Variants in KRT9 observed in about 807,000 individuals in gnomAD.
KRT9 encodes keratin 9.
A neutral mutation model predicts 51.4 loss-of-function variants in KRT9; 34 were observed. The observed-to-expected ratio is 0.66, with a 90% CI of 0.50 to 0.88. KRT9 has a LOEUF of 0.88. Among genes scored for constraint, KRT9 ranks in the 40% least tolerant of loss-of-function variants. KRT9 has a pLI of 0.00. For missense variants in KRT9, 753 were observed against 790.3 expected (o/e 0.95, Z 0.57); for synonymous variants, 292 against 289.7 (o/e 1.01, Z -0.08).
intron 4 of KRT9, among the ~76,000 whole-genome samples, chr17:41,568,993 G>C (rs1222355741): frequency 6.6e-6 from 1 of 150,578 alleles, no homozygotes; most frequent in Non-Finnish European, 1.5e-5. Flanking sequence ...CCAGACTCTG[G>C]CTGGGCACTG....
chr17:41,571,758 C>G lies in KRT9; in HGVS notation c.235G>C (p.Gly79Arg). Reference protein sequence around the residue: ...FGYSYGGGSGGGFSASSLGGG... With the variant: ...FGYSYGGGSGRGFSASSLGGG... ...CCTAAACTACTGGCACTAAAACCAC[C>G]CCCAGATCCTCCGCCGTAGCTGTAG... Residue 79 changes from glycine to arginine, a missense_variant, in exon 1 of 8, where the codon GGT (glycine) becomes CGT (arginine). By Grantham distance (125) the Gly-to-Arg change is moderately radical. Around this residue, in one of 3 missense-constraint regions of KRT9, gnomAD observed 241 missense variants for 210.3 expected, o/e 1.15. Coordinates refer to ENST00000246662, the MANE Select transcript of KRT9 (RefSeq NM_000226.4). 6.2e-7 allele frequency: 1 copy of G among 1,613,810 alleles called. No individual in the cohort carries two copies.
At position 41,571,770 on chromosome 17, in the gene KRT9, C is replaced by T. The variant is rs143561490; in HGVS notation, c.223G>A (p.Gly75Arg). The T allele has an allele frequency of 1.9e-5, 30 of 1,613,596 alleles. No individual in the cohort carries two copies. The African/African-American group carries it at 2.0e-4, about 11-fold the overall frequency. ...GGGSFGYSYG[G>R]GSGGGFSASS... The stretch of plus-strand genomic sequence containing the variant: ...GCACTAAAACCACCCCCAGATCCTC[C>T]GCCGTAGCTGTAGCCAAAACTGCCA... Residue 75 changes from glycine to arginine, a missense_variant, in exon 1 of 8, where the codon GGA becomes AGA. Gly to Arg is a moderately radical substitution (Grantham distance 125). Coordinates refer to ENST00000246662, the MANE Select transcript of KRT9 (RefSeq NM_000226.4).
Position 41,571,827 on chromosome 17 carries a change from C to T in KRT9, c.166G>A (p.Gly56Arg), listed in dbSNP as rs1782111348. 1 of 1,613,042 alleles carries T rather than the reference C, an allele frequency of 6.2e-7. No individual in the cohort carries two copies. Among genetic ancestry groups the T allele is most frequent in the Non-Finnish European group, 8.5e-7 (1 of 1,179,374 alleles). ...CCCCTCCCACAGACACGAGAGCTTC[C>T]CCCACCATAGCCACTAGAAGAGCTG... is the stretch of plus-strand genomic sequence containing the variant. ...RFSSSSGYGG[G>R]SSRVCGRGGG... The change falls in exon 1 of 8, where the codon GGA becomes AGA. Residue 56 changes from glycine to arginine, a missense_variant. Gly to Arg is a moderately radical substitution (Grantham distance 125). Around this residue, in one of 3 missense-constraint regions of KRT9, gnomAD observed 241 missense variants for 210.3 expected, o/e 1.15. Coordinates refer to ENST00000246662, the MANE Select transcript of KRT9 (RefSeq NM_000226.4).
chr17:41,568,578 G>T lies in KRT9; in HGVS notation c.1100C>A (p.Ala367Asp). The change falls in exon 5 of 8, where the codon GCC becomes GAC. Residue 367 changes from alanine (A) to aspartate (D), a missense_variant. Physicochemically the swap from Ala to Asp is moderately radical, Grantham distance 126. Transcript: ENST00000246662. ...SSSGQEVQSSAKEVTQLRHGV... is the reference protein window; with the variant it reads ...SSSGQEVQSSDKEVTQLRHGV... ...GTGCCGGAGCTGGGTCACCTCCTTG[G>T]CACTGGACTGCACCTCCTGACCACT... 1.2e-6 allele frequency: 2 copies of T among 1,614,064 alleles called. No homozygotes were observed. The highest frequency in any genetic ancestry group is 1.7e-6 in the Non-Finnish European group (2 of 1,179,978).
At position 41,572,002 on chromosome 17, in the gene KRT9, G is replaced by T. The variant is rs775161130; in HGVS notation, c.-10C>A. On this transcript the variant is annotated 5_prime_UTR_variant, in exon 1 of 8. Transcript: ENST00000246662. The stretch of plus-strand genomic sequence containing the variant: ...ACTGTCTGCAGCTCATGACACAGCT[G>T]GTAGCTCACGGGTTGAGAAGCAGTG... 1 of 1,568,218 alleles carries T rather than the reference G, an allele frequency of 6.4e-7. No individual in the cohort carries two copies. The highest frequency in any genetic ancestry group is 1.8e-5 in the Admixed American group (1 of 54,308).
intron 1 of KRT9, 116 bp from the exon 2 acceptor site, chr17:41,570,336 A>G: frequency 2.3e-6 from 2 of 886,106 alleles, no homozygotes; most frequent in Non-Finnish European, 3.8e-6. Context: ...CTCAAGAGGA[A>G]TGAGGAACTT....
Position 41,572,045 on chromosome 17 carries a change from T to C in KRT9, c.-53A>G, listed in dbSNP as rs1907110419. Reference sequence around the variant, plus strand: ...AAGCAGTGATAGGAGTGCTACCGGCTCCCAAGTGCAGGGTACAGAGCTGTC... The same window carrying C: ...AAGCAGTGATAGGAGTGCTACCGGCCCCCAAGTGCAGGGTACAGAGCTGTC... On this transcript the variant is annotated 5_prime_UTR_variant, in exon 1 of 8. Transcript: ENST00000246662. The C allele has an allele frequency of 2.6e-6, 4 of 1,540,212 alleles. No homozygotes were observed. The Admixed American group carries it at 5.8e-5, about 23-fold the overall frequency.
rs114395985 is a variant in KRT9, at chr17:41,568,582, T to C, written c.1096A>G (p.Ser366Gly). Residue 366 changes from serine to glycine, a missense_variant, in exon 5 of 8, where the codon AGT becomes GGT. By Grantham distance (56) the Ser-to-Gly change is moderately conservative. Around this residue, in one of 3 missense-constraint regions of KRT9, gnomAD observed 507 missense variants for 563.7 expected, o/e 0.90. Transcript: ENST00000246662. ...CGGAGCTGGGTCACCTCCTTGGCAC[T>C]GGACTGCACCTCCTGACCACTACTG... ...VSSSGQEVQSSAKEVTQLRHG... is the reference protein window; with the variant it reads ...VSSSGQEVQSGAKEVTQLRHG... The C allele has an allele frequency of 8.2e-4, 1,317 of 1,614,172 alleles. No individual in the cohort carries two copies. The highest frequency in any genetic ancestry group is 1.0e-3 in the Non-Finnish European group (1,235 of 1,180,016).
rs80030848 is a variant in KRT9, at chr17:41,566,319, T to C, written c.*41-167A>G. 2.4e-3 allele frequency among the ~76,000 whole-genome samples: 369 copies of C among 152,258 alleles called. 1 individual carries two copies. Among genetic ancestry groups the C allele is most frequent in the Middle Eastern group, 0.017 (5 of 294 alleles). ...ACCCTGGGGTCTCCCAATCTACTGG[T>C]CCCCATCTAATTCCTGAATCTCTGT... is the stretch of plus-strand genomic sequence containing the variant. On this transcript the variant is annotated intron_variant, in intron 7 of 7. Coordinates refer to ENST00000246662, the MANE Select transcript of KRT9 (RefSeq NM_000226.4).
At chr17:41,568,754 G>T in intron 4 of KRT9, 121 bp from the exon 5 acceptor site, 1 of 1,292,838 alleles carries the variant, frequency 7.7e-7, no homozygotes. Context: ...CCAATGACAA[G>T]TCATTCTGAG....
At position 41,571,818 on chromosome 17, in the gene KRT9, G is replaced by A. The variant is rs747867129; in HGVS notation, c.175C>T (p.Arg59Cys). ...CCACCGCCTCCCCTCCCACAGACAC[G>A]AGAGCTTCCCCCACCATAGCCACTA... is the stretch of plus-strand genomic sequence containing the variant. ...SSSGYGGGSS[R>C]VCGRGGGGSF... Residue 59 changes from arginine (R) to cysteine (C), a missense_variant, in exon 1 of 8, where the codon CGT becomes TGT. Around this residue, in one of 3 missense-constraint regions of KRT9, gnomAD observed 241 missense variants for 210.3 expected, o/e 1.15. Coordinates refer to ENST00000246662, the MANE Select transcript of KRT9 (RefSeq NM_000226.4). The A allele has an allele frequency of 1.9e-5, 31 of 1,612,412 alleles. No homozygotes were observed. The highest frequency in any genetic ancestry group is 6.7e-5 in the Admixed American group (4 of 59,898).
In KRT9 at chr17:41,571,729, A is replaced by G. The variant is rs747084801; in HGVS notation, c.264T>C (p.Gly88=). Residue 88 remains glycine, a synonymous_variant, in exon 1 of 8, where the codon GGT becomes GGC. Coordinates refer to ENST00000246662, the MANE Select transcript of KRT9 (RefSeq NM_000226.4). ...GGGFSASSLG[G]GFGGGSRGFG... Reference sequence around the variant, plus strand: ...AACCTCTGGAACCACCCCCAAAGCCACCGCCTAAACTACTGGCACTAAAAC... The same window carrying G: ...AACCTCTGGAACCACCCCCAAAGCCGCCGCCTAAACTACTGGCACTAAAAC... 1 of 1,612,098 alleles carries G rather than the reference A, an allele frequency of 6.2e-7. No individual in the cohort carries two copies. The highest frequency in any genetic ancestry group is 1.1e-5 in the South Asian group (1 of 90,832).
At chr17:41,570,046 A>C in intron 2 of KRT9, 31 bp from the exon 3 acceptor site, 1 of 1,614,172 alleles carries the variant, frequency 6.2e-7, no homozygotes, top group Non-Finnish European at 8.5e-7. Context: ...GAAAACAATC[A>C]AGAGGGAACC....
In KRT9 at chr17:41,571,605, C is replaced by A. The variant is rs1454596394; in HGVS notation, c.388G>T (p.Gly130Trp). Residue 130 changes from glycine (G) to tryptophan (W), a missense_variant, in exon 1 of 8, where the codon GGG becomes TGG. Around this residue, in one of 3 missense-constraint regions of KRT9, gnomAD observed 241 missense variants for 210.3 expected, o/e 1.15. Transcript: ENST00000246662. ...GGGFGGGYGS[G>W]FGGFGGFGGG... ...CCAAAGCCCCCAAACCCCCCAAACC[C>A]ACTCCCATAGCCACCACCAAAGCCA... The A allele has an allele frequency of 6.2e-7, 1 of 1,606,490 alleles. No homozygotes were observed. Among genetic ancestry groups the A allele is most frequent in the Non-Finnish European group, 8.5e-7 (1 of 1,176,028 alleles).
chr17:41,571,588 C>A lies in KRT9; in HGVS notation c.405G>T (p.Gly135=). Residue 135 remains glycine, a synonymous_variant, in exon 1 of 8, where the codon GGG becomes GGT. Coordinates refer to ENST00000246662, the MANE Select transcript of KRT9 (RefSeq NM_000226.4). The stretch of plus-strand genomic sequence containing the variant: ...CTCCTCCAGCACCACCTCCAAAGCC[C>A]CCAAACCCCCCAAACCCACTCCCAT... The part of the protein sequence containing the change: ...GGYGSGFGGF[G]GFGGGAGGGD... The A allele has an allele frequency of 6.3e-7, 1 of 1,598,832 alleles. No homozygotes were observed. Among genetic ancestry groups the A allele is most frequent in the South Asian group, 1.1e-5 (1 of 90,064 alleles).
chr17:41,568,552 C>T lies in KRT9; in HGVS notation c.1126G>A (p.Gly376Ser), dbSNP rs200211641. ...SAKEVTQLRH[G>S]VQELEIELQS... ...AGCTCAATCTCCAACTCCTGGACAC[C>T]GTGCCGGAGCTGGGTCACCTCCTTG... Residue 376 changes from glycine to serine, a missense_variant, in exon 5 of 8, where the codon GGT (glycine) becomes AGT (serine). Around this residue, in one of 3 missense-constraint regions of KRT9, gnomAD observed 507 missense variants for 563.7 expected, o/e 0.90. Transcript: ENST00000246662. 1.4e-5 allele frequency: 23 copies of T among 1,614,068 alleles called. No homozygotes were observed. The highest frequency in any genetic ancestry group is 1.9e-5 in the Non-Finnish European group (22 of 1,180,030).
chr17:41,569,894 C>T lies in KRT9; in HGVS notation c.847G>A (p.Glu283Lys), dbSNP rs372028060. The change falls in exon 3 of 8, where the codon GAG becomes AAG. Residue 283 changes from glutamate (E) to lysine (K), a missense_variant. Transcript: ENST00000246662. ...DLEMQYETLQEELMALKKNHK... is the reference protein window; with the variant it reads ...DLEMQYETLQKELMALKKNHK... ...TTCTTCTTGAGGGCCATCAGCTCCTCCTGCAGAGTCTCATACTGCATCTCC... is the reference window on the plus strand; with the variant it reads ...TTCTTCTTGAGGGCCATCAGCTCCTTCTGCAGAGTCTCATACTGCATCTCC... 5.0e-5 allele frequency: 81 copies of T among 1,614,112 alleles called. No homozygotes were observed. Among genetic ancestry groups the T allele is most frequent in the Non-Finnish European group, 6.5e-5 (77 of 1,180,060 alleles).
At position 41,567,671 on chromosome 17, in the gene KRT9, C is replaced by G. The variant is rs1387146308; in HGVS notation, c.1474G>C (p.Gly492Arg). ...CCTCCACCATAGCTGCCTCCACTTC[C>G]TCCCCTGGATCCTCTTCCATAACTG... Reference protein sequence around the residue: ...GGSYGRGSRGGSGGSYGGGGS... With the variant: ...GGSYGRGSRGRSGGSYGGGGS... Residue 492 changes from glycine to arginine, a missense_variant, in exon 7 of 8, where the codon GGA becomes CGA. By Grantham distance (125) the Gly-to-Arg change is moderately radical. Transcript: ENST00000246662. 1 of 1,612,436 alleles carries G rather than the reference C, an allele frequency of 6.2e-7. No homozygotes were observed. The highest frequency in any genetic ancestry group is 8.5e-7 in the Non-Finnish European group (1 of 1,179,138).
chr17:41,568,444 C>T (rs1280841532), intron 5 of KRT9, 59 bp from the exon 6 acceptor site: 47 of 1,613,858 alleles, frequency 2.9e-5, no homozygotes, highest in Non-Finnish European at 3.8e-5. Context: ...CTTCTTCCCA[C>T]TCCTGGGCTG....
Sources: gnomAD v4.1 joint callset for allele counts (sites outside exome capture counted in the v4.1 genomes callset) on GRCh38, gnomAD v4.1.1 for gene constraint, gnomAD v4.1.1 regional missense constraint, MANE v1.5 for transcripts, NCBI Gene and HGNC (gene_info 2026-07-23, HGNC 2026-07-21) for gene names.